The following MAP2 variants were observed in gnomAD, a reference collection of about 807,000 sequenced individuals.
MAP2 encodes the protein microtubule associated protein 2, also known as microtubule-associated protein 2.
MAP2 carries 14 observed loss-of-function variants against 137.6 expected under a neutral mutation model. The ratio of observed to expected loss-of-function variants is 0.10; its 90% CI spans 0.07 to 0.16. The LOEUF (loss-of-function observed/expected upper bound fraction) is 0.16. MAP2 is among the 10% of genes least tolerant of loss of function. The pLI is 1.00. For missense variants in MAP2, 2,088 were observed against 2,191.5 expected, an observed-to-expected ratio of 0.95 and a Z score of 0.94; for synonymous variants, 786 against 782.3, an observed-to-expected ratio of 1.00 and a Z score of -0.08.
intron 1 of MAP2, among the ~76,000 whole-genome samples, chr2:209,455,354 T>C (rs924615846): frequency 2.0e-5 from 3 of 152,226 alleles, no homozygotes; most frequent in African/African-American, 7.2e-5. Context: ...TTATTTTGTC[T>C]TTATGAACAA....
intron 2 of MAP2, among the ~76,000 whole-genome samples, chr2:209,565,319 G>A (rs937547037): frequency 6.6e-6 from 1 of 152,028 alleles, no homozygotes; most frequent in South Asian, 2.1e-4. Flanking sequence ...TTGGGTTTAA[G>A]CAATCCTTTC....
intron 2 of MAP2, among the ~76,000 whole-genome samples, chr2:209,576,491 C>T (rs1210565115): frequency 1.3e-5 from 2 of 152,070 alleles, no homozygotes; most frequent in African/African-American, 4.8e-5. Flanking sequence ...AGGTGATCCA[C>T]CCACCTCAGC....
intron 1 of MAP2, among the ~76,000 whole-genome samples, chr2:209,506,308 T>C (rs991069302): frequency 1.3e-5 from 2 of 152,246 alleles, no homozygotes; most frequent in Non-Finnish European, 2.9e-5. Context: ...TTGTATTTTC[T>C]GTGGTTTACT....
At chr2:209,502,999 CTT>C (rs71043931) in intron 1 of MAP2, among the ~76,000 whole-genome samples, 11 of 131,342 alleles carry the variant, frequency 8.4e-5, no homozygotes, top group South Asian at 2.4e-4. Flanking sequence ...GATTTTTTTT[CTT>C]TTTTTTTTTT....
Position 209,629,732 on chromosome 2 carries a change from A to G in MAP2, c.-30+4603A>G, listed in dbSNP as rs75571980. ...GCTACTCTGGCTCTTATTGAACAAG[A>G]ACCTATTCCAGGAGTGAGGTTTTGA... On this transcript the variant is annotated intron_variant, in intron 4 of 15. Transcript: ENST00000682079. Among the ~76,000 whole-genome samples, 188 of 152,302 alleles carry G rather than the reference A, an allele frequency of 1.2e-3. 2 individuals carry two copies. The East Asian group carries it at 0.028, about 23-fold the overall frequency.
intron 2 of MAP2, among the ~76,000 whole-genome samples, chr2:209,531,960 T>A (rs74973080): frequency 6.6e-6 from 1 of 152,110 alleles, no homozygotes; most frequent in Non-Finnish European, 1.5e-5. Context: ...GGACTTCAGC[T>A]AGGCATGGTG....
rs538704634 is a variant in MAP2 at position 209,557,669 on chromosome 2, T to G, written c.-171-22367T>G. On this transcript the variant is annotated intron_variant, in intron 2 of 15. Transcript: ENST00000682079. ...TCCCAGGGGCTCTGAAGAGTGAGAA[T>G]GAGCCAGGTTGTCTTTAGCTTAGAT... 4.9e-4 allele frequency among the ~76,000 whole-genome samples: 74 copies of G among 152,298 alleles called. 1 individual carries two copies. In the South Asian group the frequency reaches 6.2e-3, roughly 13 times the overall value.
intron 1 of MAP2, among the ~76,000 whole-genome samples, chr2:209,469,894 T>G (rs1705218518): frequency 6.6e-6 from 1 of 152,220 alleles, no homozygotes; most frequent in Non-Finnish European, 1.5e-5. Context: ...CCTCCATTTT[T>G]TCAACCTACA....
chr2:209,728,168 A>G (rs1285572581), intron 14 of MAP2, among the ~76,000 whole-genome samples: 4 of 152,174 alleles, frequency 2.6e-5, no homozygotes, highest in South Asian at 2.1e-4. Flanking sequence ...AAAATTTAAC[A>G]CGATTATATT....
chr2:209,459,541 G>A (rs1318934915), intron 1 of MAP2, among the ~76,000 whole-genome samples: 1 of 152,122 alleles, frequency 6.6e-6, no homozygotes, highest in Non-Finnish European at 1.5e-5. Context: ...ATCCCATTCT[G>A]CCCTCCAGGC....
intron 2 of MAP2, among the ~76,000 whole-genome samples, chr2:209,548,354 G>A (rs1479588310): frequency 1.3e-5 from 2 of 152,170 alleles, no homozygotes; most frequent in Non-Finnish European, 2.9e-5. Context: ...ATGACAGCCT[G>A]CCTAGAAGGG....
chr2:209,490,713 C>A (rs182855357), intron 1 of MAP2, among the ~76,000 whole-genome samples: 1 of 148,420 alleles, frequency 6.7e-6, no homozygotes, highest in South Asian at 2.1e-4. Flanking sequence ...AAGGACATTA[C>A]GTAATGGTAA....
intron 2 of MAP2, among the ~76,000 whole-genome samples, chr2:209,538,454 G>A (rs1200551252): frequency 1.3e-5 from 2 of 149,824 alleles, no homozygotes; most frequent in East Asian, 2.0e-4. Context: ...TGAGGTTAAT[G>A]TCTGCTATTT....
At chr2:209,435,934 T>G (rs1695845414) in intron 1 of MAP2, among the ~76,000 whole-genome samples, 1 of 143,232 alleles carries the variant, frequency 7.0e-6, no homozygotes, top group Non-Finnish European at 1.5e-5. Flanking sequence ...ATATATTATA[T>G]ATATAATATA....
intron 3 of MAP2, among the ~76,000 whole-genome samples, chr2:209,601,358 C>T (rs1238800452): frequency 6.6e-6 from 1 of 151,918 alleles, no homozygotes; most frequent in Non-Finnish European, 1.5e-5. Flanking sequence ...TTCCTTTCTA[C>T]ATCTTACATA....
chr2:209,528,107 G>A (rs1273555032), intron 2 of MAP2, among the ~76,000 whole-genome samples: 1 of 107,850 alleles, frequency 9.3e-6, no homozygotes, highest in Non-Finnish European at 2.0e-5. Context: ...TTCCCCCCCT[G>A]CCCACCCCAG....
intron 1 of MAP2, among the ~76,000 whole-genome samples, chr2:209,476,777 T>G (rs1332412720): frequency 6.6e-6 from 1 of 152,232 alleles, no homozygotes; most frequent in Non-Finnish European, 1.5e-5. Context: ...CACAAAGCCT[T>G]TTAAGTTTTC....
At position 209,460,764 on chromosome 2, in the gene MAP2, T is replaced by C. The variant is rs189460870; in HGVS notation, c.-222+36488T>C. 1.3e-3 allele frequency among the ~76,000 whole-genome samples: 198 copies of C among 152,274 alleles called. 1 individual carries two copies. The highest frequency in any genetic ancestry group is 4.6e-3 in the African/African-American group (192 of 41,554). On this transcript the variant is annotated intron_variant, in intron 1 of 15. Coordinates refer to ENST00000682079, the MANE Select transcript of MAP2 (RefSeq NM_001375505.1). ...ATGGAAACTTTTTGGTTGTTGTTTT[T>C]TTGAGACAGAGTCTCACTGTGTCTC...
intron 5 of MAP2, among the ~76,000 whole-genome samples, chr2:209,654,308 T>C (rs2094996804): frequency 6.6e-6 from 1 of 152,194 alleles, no homozygotes; most frequent in African/African-American, 2.4e-5. Context: ...CAGCAGTTGT[T>C]CTGATAAAAG....
Sources: allele counts gnomAD v4.1 joint callset (sites outside exome capture counted in the v4.1 genomes callset), GRCh38; gene constraint gnomAD v4.1.1; transcripts MANE v1.5; gene names NCBI Gene and HGNC (gene_info 2026-07-23, HGNC 2026-07-21).